SAMSN1: variants seen among roughly 807,000 people sequenced by gnomAD.
SAMSN1 encodes SAM domain-containing protein SAMSN-1.
A neutral mutation model predicts 42.0 loss-of-function variants in SAMSN1; 31 were observed. The observed-to-expected ratio is 0.74, with a 90% CI of 0.55 to 1.00. The LOEUF (loss-of-function observed/expected upper bound fraction) is 1.00. Among genes scored for constraint, SAMSN1 ranks in the 50% least tolerant of loss-of-function variants. The pLI is 0.00. For missense variants in SAMSN1, 464 were observed against 439.4 expected, an observed-to-expected ratio of 1.06 and a Z score of -0.50; for synonymous variants, 178 against 151.9, an observed-to-expected ratio of 1.17 and a Z score of -1.26.
intron 5 of SAMSN1, among the ~76,000 whole-genome samples, chr21:14,607,341 G>C (rs1982593550): frequency 6.6e-6 from 1 of 152,186 alleles, no homozygotes; most frequent in Non-Finnish European, 1.5e-5. Flanking sequence ...GAAATACTCT[G>C]AGCCTTCCAA....
chr21:14,551,107 G>A (rs1225396484), upstream of SAMSN1, among the ~76,000 whole-genome samples: 2 of 152,068 alleles, frequency 1.3e-5, no homozygotes, highest in East Asian at 1.9e-4. Context: ...GACAGAAAAG[G>A]ATCTACCCTT....
rs1987106427 is a variant in SAMSN1, at chr21:14,500,559, C to A, written c.738G>T (p.Leu246=). The change falls in exon 6 of 8, where the codon CTG becomes CTT. Residue 246 remains leucine, a synonymous_variant. Transcript: ENST00000400566. Reference sequence around the variant, plus strand: ...GATGAATCCTCTCTAGGAACTCCTGCAGAGTCTTGGATTTTTTGCTGTTAC... The same window carrying A: ...GATGAATCCTCTCTAGGAACTCCTGAAGAGTCTTGGATTTTTTGCTGTTAC... ...RRSNSKKSKT[L]QEFLERIHLQ... is the part of the protein sequence containing the mutation. 1.2e-6 allele frequency: 2 copies of A among 1,614,114 alleles called. No homozygotes were observed. Among genetic ancestry groups the A allele is most frequent in the Non-Finnish European group, 1.7e-6 (2 of 1,179,994 alleles).
chr21:14,548,634 A>G (rs2123172434), upstream of SAMSN1, among the ~76,000 whole-genome samples: 1 of 152,302 alleles, frequency 6.6e-6, no homozygotes, highest in Non-Finnish European at 1.5e-5. Flanking sequence ...CTTTCACTCA[A>G]GAAAAATGTT....
At chr21:14,572,153 T>C (rs1394536687) in intron 2 of SAMSN1, among the ~76,000 whole-genome samples, 1 of 152,148 alleles carries the variant, frequency 6.6e-6, no homozygotes, top group Admixed American at 6.6e-5. Flanking sequence ...CATATAATAA[T>C]AAATTATAAT....
chr21:14,651,084 G>T (rs972980057), intron 1 of SAMSN1, among the ~76,000 whole-genome samples: 27 of 151,994 alleles, frequency 1.8e-4, no homozygotes, highest in African/African-American at 6.5e-4. Context: ...CTTCACTTCT[G>T]AATTCTACCA....
intron 2 of SAMSN1, among the ~76,000 whole-genome samples, chr21:14,519,638 C>T (rs1282583158): frequency 6.6e-6 from 1 of 151,710 alleles, no homozygotes; most frequent in South Asian, 2.1e-4. Flanking sequence ...TGAATATATA[C>T]ATAATAAATT....
chr21:14,582,567 GA>G (rs1981775483), intron 1 of SAMSN1: 3 of 588,972 alleles, frequency 5.1e-6, no homozygotes, highest in Middle Eastern at 2.8e-4. Context: ...TTATATAAGA[GA>G]AATAAATACA....
At chr21:14,489,957 A>G (rs1986612917) in intron 7 of SAMSN1, among the ~76,000 whole-genome samples, 1 of 152,178 alleles carries the variant, frequency 6.6e-6, no homozygotes, top group African/African-American at 2.4e-5. Flanking sequence ...AGATAGTTTT[A>G]AGGAAATAAA....
intron 4 of SAMSN1, among the ~76,000 whole-genome samples, chr21:14,512,202 G>A (rs1470990700): frequency 1.3e-5 from 2 of 152,068 alleles, no homozygotes; most frequent in African/African-American, 2.4e-5. Flanking sequence ...CTTTTTTGAG[G>A]AGTATCCCGA....
intron 4 of SAMSN1, 139 bp downstream of exon 4, chr21:14,512,305 T>C: frequency 1.2e-6 from 1 of 861,488 alleles, no homozygotes; most frequent in Non-Finnish European, 1.8e-6. Flanking sequence ...CAACTCTATA[T>C]AGATTTAATA....
chr21:14,509,284 A>T (rs904184237), intron 5 of SAMSN1, among the ~76,000 whole-genome samples: 25 of 152,194 alleles, frequency 1.6e-4, no homozygotes, highest in African/African-American at 5.8e-4. Flanking sequence ...TTATTATTCT[A>T]AGTAAAGTAA....
rs184348529 is a variant in SAMSN1, at chr21:14,613,100, G to A, written c.198-187C>T. On this transcript the variant is annotated intron_variant, in intron 3 of 15. Transcript: ENST00000647101. ...ATTACAGTAAATACAAGTACAATTT[G>A]GGTCTGTAAATTTCTATGCAATATG... Among the ~76,000 whole-genome samples the A allele has an allele frequency of 5.9e-5, 9 of 152,168 alleles. 1 individual carries two copies. In the East Asian group the frequency reaches 1.7e-3, roughly 29 times the overall value.
In SAMSN1 at chr21:14,485,295, TAAAGAC is replaced by T. The variant is rs1323896233; in HGVS notation, c.*611_*616del. On this transcript the variant is annotated 3_prime_UTR_variant, in exon 8 of 8. Transcript: ENST00000400566. ...TGTCAAATTTTAAAATATTTACACT[TAAAGAC>T]AAAACATTTCCACAATTATTACAAT... 5 of 152,376 alleles carry T rather than the reference TAAAGAC, an allele frequency of 3.3e-5. No individual in the cohort carries two copies. The highest frequency in any genetic ancestry group is 4.8e-5 in the African/African-American group (2 of 41,582). The allele number at this position is 152,376 out of a possible 1,614,324, so 9.4% of individuals were successfully genotyped here. A position where few individuals can be genotyped will look rare whatever the true frequency, so the allele number is the denominator to read the frequency against.
intron 1 of SAMSN1, among the ~76,000 whole-genome samples, chr21:14,536,612 G>A (rs531784718): frequency 2.6e-4 from 39 of 152,282 alleles, no homozygotes; most frequent in African/African-American, 8.2e-4. Context: ...GAGAGAAGTG[G>A]TCAAGGCTAA....
intron 7 of SAMSN1, among the ~76,000 whole-genome samples, chr21:14,487,001 G>A (rs77416108): frequency 0.028 from 4,309 of 152,258 alleles, 84 homozygotes; most frequent in Middle Eastern, 0.051. Context: ...GTGGTTTCTT[G>A]ATGGGTGTTT....
chr21:14,514,851 T>C (rs1987833700), intron 3 of SAMSN1, among the ~76,000 whole-genome samples: 1 of 152,180 alleles, frequency 6.6e-6, no homozygotes, highest in Non-Finnish European at 1.5e-5. Context: ...AAGCAATTGA[T>C]TGTATTAATA....
chr21:14,602,635 A>T (rs998805206), intron 5 of SAMSN1, among the ~76,000 whole-genome samples: 4 of 152,194 alleles, frequency 2.6e-5, no homozygotes, highest in Admixed American at 6.5e-5. Flanking sequence ...CTTCCCTTTT[A>T]GCTCCTGCAA....
At chr21:14,647,148 C>A (rs1600983196) in intron 1 of SAMSN1, among the ~76,000 whole-genome samples, 2 of 152,094 alleles carry the variant, frequency 1.3e-5, no homozygotes, top group African/African-American at 4.8e-5. Flanking sequence ...AAAAACATAA[C>A]CCATCAATCT....
intron 1 of SAMSN1, among the ~76,000 whole-genome samples, chr21:14,542,023 G>C (rs933761731): frequency 2.0e-5 from 3 of 151,372 alleles, no homozygotes; most frequent in Admixed American, 2.0e-4. Flanking sequence ...GAGAAAGAAG[G>C]AACGAACGGA....
Sources: allele counts gnomAD v4.1 joint callset (sites outside exome capture counted in the v4.1 genomes callset), GRCh38; gene constraint gnomAD v4.1.1; transcripts MANE v1.5; gene names NCBI Gene and HGNC (gene_info 2026-07-23, HGNC 2026-07-21).